COL22A1: variants seen among roughly 807,000 people sequenced by gnomAD.
COL22A1 encodes collagen alpha-1(XXII) chain.
In COL22A1, 221 loss-of-function variants were observed where a neutral mutation model predicts 248.9. That is an observed-to-expected ratio of 0.89 (90% CI 0.80 to 0.99). The LOEUF is 0.99. Ranked by LOEUF, COL22A1 falls within the 50% of genes least tolerant of loss-of-function variation. The probability of loss-of-function intolerance (pLI) is 0.00; values close to 1 mark genes in which losing one functional copy is unlikely to be tolerated. For synonymous variants in COL22A1, 891 were observed against 793.4 expected (o/e 1.12, Z -2.07); for missense variants, 2,240 against 2,179.0 (o/e 1.03, Z -0.56).
At chr8:138,730,129 C>T (rs1830601565) in intron 23 of COL22A1, among the ~76,000 whole-genome samples, 1 of 152,192 alleles carries the variant, frequency 6.6e-6, no homozygotes, top group African/African-American at 2.4e-5. Flanking sequence ...AGGATTTTGT[C>T]CATATTACCA....
intron 58 of COL22A1, among the ~76,000 whole-genome samples, chr8:138,605,481 G>A (rs1253512752): frequency 1.3e-5 from 2 of 152,170 alleles, no homozygotes; most frequent in Non-Finnish European, 2.9e-5. Context: ...GAGTGAATAA[G>A]CCCACGTAAA....
At chr8:138,791,960 T>C (rs1308078323) in intron 12 of COL22A1, among the ~76,000 whole-genome samples, 1 of 152,182 alleles carries the variant, frequency 6.6e-6, no homozygotes, top group Non-Finnish European at 1.5e-5. Flanking sequence ...AAAATCCATA[T>C]GAAGTTTTAT....
At chr8:138,618,152 A>C (rs941433807) in intron 53 of COL22A1, among the ~76,000 whole-genome samples, 1 of 152,174 alleles carries the variant, frequency 6.6e-6, no homozygotes, top group Admixed American at 6.5e-5. Context: ...ACTCTGCAAG[A>C]ATGGGAGCTA....
chr8:138,824,495 T>C (rs752529115), intron 6 of COL22A1, among the ~76,000 whole-genome samples: 4 of 152,232 alleles, frequency 2.6e-5, no homozygotes, highest in African/African-American at 4.8e-5. Flanking sequence ...TTTCTGGGCC[T>C]GTGCAACTCC....
intron 6 of COL22A1, chr8:138,825,805 C>A (rs887502549): frequency 3.3e-5 from 5 of 152,156 alleles, no homozygotes; most frequent in Admixed American, 1.3e-4. Flanking sequence ...ATATCTTCAT[C>A]CAGTTCATTT....
chr8:138,735,994 G>A (rs1831079836), intron 23 of COL22A1, among the ~76,000 whole-genome samples: 1 of 152,072 alleles, frequency 6.6e-6, no homozygotes, highest in East Asian at 1.9e-4. Flanking sequence ...GCTCCAGGAG[G>A]ACCAAACGGA....
At chr8:138,877,690 G>A (rs1231906946) in intron 3 of COL22A1, 60 bp downstream of exon 3, 37 of 1,480,290 alleles carry the variant, frequency 2.5e-5, no homozygotes, top group African/African-American at 7.1e-5. Flanking sequence ...GACCCCTCCC[G>A]TGGGCTCAGC....
chr8:138,730,038 A>G (rs1362188387), intron 23 of COL22A1, among the ~76,000 whole-genome samples: 1 of 152,170 alleles, frequency 6.6e-6, no homozygotes, highest in Non-Finnish European at 1.5e-5. Context: ...TAGGATAGCT[A>G]TTTCTACTTT....
chr8:138,743,599 T>C (rs967457337), intron 22 of COL22A1, among the ~76,000 whole-genome samples: 8 of 152,122 alleles, frequency 5.3e-5, no homozygotes, highest in Admixed American at 1.3e-4. Flanking sequence ...TGCAGTTTTG[T>C]CCCATAACTG....
chr8:138,748,588 A>G (rs1832326139), intron 22 of COL22A1, among the ~76,000 whole-genome samples: 1 of 152,174 alleles, frequency 6.6e-6, no homozygotes, highest in African/African-American at 2.4e-5. Context: ...TTGGAGCTCA[A>G]TAAACACCAT....
At position 138,913,771 on chromosome 8, in the gene COL22A1, C is replaced by G. The variant is rs979660215; in HGVS notation, c.-225G>C. The G allele has an allele frequency of 6.6e-6, 1 of 152,394 alleles. No individual in the cohort carries two copies. Among genetic ancestry groups the G allele is most frequent in the Non-Finnish European group, 1.5e-5 (1 of 68,190 alleles). The allele number at this position is 152,394 out of a possible 1,614,324, so 9.4% of individuals were successfully genotyped here. A position where few individuals can be genotyped will look rare whatever the true frequency, so the allele number is the denominator to read the frequency against. On this transcript the variant is annotated 5_prime_UTR_variant, in exon 1 of 65. Transcript: ENST00000303045. ...GCCCACTCTCCCCCAAATAATCTCA[C>G]AAACTCAGACTCTAAACAAGACCCG... is the stretch of plus-strand genomic sequence containing the variant.
At chr8:138,821,578 C>CAGA (rs1819137419) in intron 6 of COL22A1, among the ~76,000 whole-genome samples, 167 bp from the exon 7 acceptor site, 1 of 152,178 alleles carries the variant, frequency 6.6e-6, no homozygotes, top group Admixed American at 6.5e-5. Context: ...TTCCGTCACA[C>CAGA]CTCTGAGAGC....
intron 1 of COL22A1, among the ~76,000 whole-genome samples, chr8:138,893,730 T>C (rs938127405): frequency 1.3e-4 from 20 of 152,364 alleles, no homozygotes; most frequent in Admixed American, 1.1e-3. Flanking sequence ...TATTTCATTG[T>C]TTTAGTCTGT....
intron 22 of COL22A1, among the ~76,000 whole-genome samples, chr8:138,739,761 G>A (rs1199709400): frequency 1.3e-5 from 2 of 152,186 alleles, no homozygotes; most frequent in African/African-American, 2.4e-5. Context: ...AGAGAAAAGT[G>A]ATATCAGGGA....
chr8:138,592,698 C>CTT (rs1817182678), intron 63 of COL22A1, among the ~76,000 whole-genome samples: 1 of 151,638 alleles, frequency 6.6e-6, no homozygotes, highest in African/African-American at 2.4e-5. Context: ...AAAATGACAC[C>CTT]ACATGCTCCT....
chr8:138,822,436 T>C (rs1162885841), intron 6 of COL22A1, among the ~76,000 whole-genome samples: 2 of 152,222 alleles, frequency 1.3e-5, no homozygotes, highest in Admixed American at 6.5e-5. Flanking sequence ...CCAAACATCC[T>C]GTGTGCCCAG....
chr8:138,626,458 C>T (rs907237388), intron 50 of COL22A1, among the ~76,000 whole-genome samples: 1 of 152,204 alleles, frequency 6.6e-6, no homozygotes, highest in Non-Finnish European at 1.5e-5. Context: ...TTGGTACACA[C>T]ACTGGAGCTC....
chr8:138,640,705 T>C (rs998427621), intron 47 of COL22A1, among the ~76,000 whole-genome samples: 1 of 152,172 alleles, frequency 6.6e-6, no homozygotes, highest in Non-Finnish European at 1.5e-5. Flanking sequence ...TGCAGTTACA[T>C]GTATTAAATG....
chr8:138,874,572 G>A (rs1480170190), intron 3 of COL22A1, among the ~76,000 whole-genome samples: 1 of 152,208 alleles, frequency 6.6e-6, no homozygotes, highest in African/African-American at 2.4e-5. Flanking sequence ...GGCCTGCTGG[G>A]TAATAATCTC....
Sources: gnomAD v4.1 joint callset for allele counts (sites outside exome capture counted in the v4.1 genomes callset) on GRCh38, gnomAD v4.1.1 for gene constraint, MANE v1.5 for transcripts, NCBI Gene and HGNC (gene_info 2026-07-23, HGNC 2026-07-21) for gene names.